KIF22: variants seen among roughly 807,000 people sequenced by gnomAD.
KIF22 encodes kinesin-like protein KIF22.
Under a neutral mutation model 73.0 loss-of-function variants are expected in KIF22, and 62 were observed. The observed-to-expected ratio is 0.85, with a 90% CI of 0.69 to 1.05. KIF22 has a LOEUF of 1.05. KIF22 is among the 50% of genes least tolerant of loss of function. The pLI is 0.00. For synonymous variants in KIF22, 411 were observed against 340.1 expected (o/e 1.21, Z -2.29); for missense variants, 854 against 870.1 (o/e 0.98, Z 0.23).
At position 29,805,000 on chromosome 16, in the gene KIF22, C is replaced by A. The variant is rs2142383021; in HGVS notation, c.1864C>A (p.Arg622=). Residue 622 remains arginine, a synonymous_variant, in exon 12 of 14, where the codon CGG becomes AGG. Transcript: ENST00000160827. ...PKKAQLIVGW[R]ELHGPFSQVE... ...GAAGGCCCAGCTAATCGTGGGCTGGCGGGAGCTCCACGGCCCCTTCAGCCA... is the reference window on the plus strand; with the variant it reads ...GAAGGCCCAGCTAATCGTGGGCTGGAGGGAGCTCCACGGCCCCTTCAGCCA... 7.0e-7 allele frequency: 1 copy of A among 1,423,464 alleles called. No homozygotes were observed. The highest frequency in any genetic ancestry group is 1.5e-5 in the African/African-American group (1 of 68,564). The allele number at this position is 1,423,464 out of a possible 1,614,324, so 88.2% of individuals were successfully genotyped here.
chr16:29,792,683 G>A (rs768125732), intron 1 of KIF22, among the ~76,000 whole-genome samples: 4 of 152,182 alleles, frequency 2.6e-5, no homozygotes, highest in South Asian at 2.1e-4. Context: ...TGTTTTTTAA[G>A]AGGAGTTAAA....
chr16:29,793,447 C>T (rs1238538363), intron 1 of KIF22, among the ~76,000 whole-genome samples: 1 of 152,074 alleles, frequency 6.6e-6, no homozygotes, highest in Admixed American at 6.6e-5. Context: ...AAAAAGGAGC[C>T]GTCAGGGCAG....
At chr16:29,801,880 T>C (rs1231908582) in intron 8 of KIF22, among the ~76,000 whole-genome samples, 1 of 152,030 alleles carries the variant, frequency 6.6e-6, no homozygotes, top group African/African-American at 2.4e-5. Flanking sequence ...AAGCTTGGCG[T>C]CATGGGAAAG....
chr16:29,798,419 T>C lies in KIF22; in HGVS notation c.312T>C (p.Tyr104=), dbSNP rs1264356752. ...AGAGGAGTACTCAGCAGGACATCTATGCAGGTTCAGTGCAGCCCATCCTAA... is the reference window on the plus strand; with the variant it reads ...AGAGGAGTACTCAGCAGGACATCTACGCAGGTTCAGTGCAGCCCATCCTAA... ...YGERSTQQDI[Y]AGSVQPILRH... Residue 104 remains tyrosine, a synonymous_variant, in exon 3 of 14, where the codon TAT becomes TAC. Transcript: ENST00000160827. This position sits in a 1 kb window ranked among gnomAD's most constrained non-coding sequence, Gnocchi z 4.1. 7 of 1,613,700 alleles carry C rather than the reference T, an allele frequency of 4.3e-6. No individual in the cohort carries two copies. The South Asian group carries it at 6.6e-5, about 15-fold the overall frequency.
chr16:29,793,295 C>G (rs934585976), intron 1 of KIF22, among the ~76,000 whole-genome samples: 6 of 152,166 alleles, frequency 3.9e-5, no homozygotes, highest in Non-Finnish European at 8.8e-5. Context: ...CAAAAATTAG[C>G]TGGGCGTGGT....
At position 29,799,114 on chromosome 16, in the gene KIF22, G is replaced by A. The variant is rs775371597; in HGVS notation, c.689G>A (p.Arg230Gln). The change falls in exon 5 of 14, where the codon CGA (arginine) becomes CAA (glutamine). Residue 230 changes from arginine to glutamine, a missense_variant. By Grantham distance (43) the Arg-to-Gln change is conservative (BLOSUM62 1). Coordinates refer to ENST00000160827, the MANE Select transcript of KIF22 (RefSeq NM_007317.3). ...GAGCGGCACTTCCTGCCAGCCAGTC[G>A]AAATCGGACTGTAGGAGCCACCCGG... Reference protein sequence around the residue: ...DFERHFLPASRNRTVGATRLN... With the variant: ...DFERHFLPASQNRTVGATRLN... 1.3e-5 allele frequency: 21 copies of A among 1,614,004 alleles called. No individual in the cohort carries two copies. Among genetic ancestry groups the A allele is most frequent in the Non-Finnish European group, 1.6e-5 (19 of 1,180,042 alleles).
intron 1 of KIF22, among the ~76,000 whole-genome samples, chr16:29,796,163 C>T (rs866908252): frequency 4.9e-4 from 74 of 150,212 alleles, no homozygotes; most frequent in African/African-American, 2.4e-4. Flanking sequence ...CCCAGCTACT[C>T]GAGAGGCTGA....
chr16:29,805,103 C>T lies in KIF22; in HGVS notation c.1891-12C>T, dbSNP rs751565260. ...CCCGAGACCCTGTCCCCTATCGATC[C>T]TGTCCCGCCAGGTGGAGGACCTGGA... On this transcript the variant is annotated splice_polypyrimidine_tract_variant and intron_variant, in intron 12 of 13. Coordinates refer to ENST00000160827, the MANE Select transcript of KIF22 (RefSeq NM_007317.3). The T allele has an allele frequency of 9.9e-5, 160 of 1,613,526 alleles. No individual in the cohort carries two copies. Among genetic ancestry groups the T allele is most frequent in the Non-Finnish European group, 8.0e-5 (94 of 1,179,952 alleles).
At chr16:29,804,466 T>A (rs902443665) in intron 11 of KIF22, 27 of 637,966 alleles carry the variant, frequency 4.2e-5, no homozygotes, top group Non-Finnish European at 6.6e-5. Flanking sequence ...TATTACTTTC[T>A]CCCATGTACT....
In KIF22 at chr16:29,798,879, T is replaced by C. The variant is rs540317002; in HGVS notation, c.550-96T>C. The C allele has an allele frequency of 5.1e-5, 79 of 1,535,698 alleles. No homozygotes were observed. The highest frequency in any genetic ancestry group is 3.6e-6 in the Non-Finnish European group (4 of 1,115,066). On this transcript the variant is annotated intron_variant, in intron 4 of 13. Transcript: ENST00000160827. The surrounding 1 kb of genome is among the most constrained non-coding windows in gnomAD (Gnocchi z 4.1). ...AGACAGAGACTGGGGTAGCAGATGG[T>C]ACAACTCCGAGAATAGAACAGAGAA... is the stretch of plus-strand genomic sequence containing the variant.
chr16:29,796,018 C>T (rs1898940267), intron 1 of KIF22, among the ~76,000 whole-genome samples: 1 of 152,046 alleles, frequency 6.6e-6, no homozygotes, highest in African/African-American at 2.4e-5. Context: ...CACCTATAAT[C>T]CTAGCACTTT....
In KIF22 at chr16:29,804,032, C is replaced by T; in HGVS notation, c.1644C>T (p.Ile548=). 1 of 1,613,946 alleles carries T rather than the reference C, an allele frequency of 6.2e-7. No individual in the cohort carries two copies. The highest frequency in any genetic ancestry group is 8.5e-7 in the Non-Finnish European group (1 of 1,179,894). The part of the protein sequence containing the change: ...QEQAASPNAE[I]HILKNKGRKR... ...AGGCAGCATCCCCAAATGCCGAGAT[C>T]CACATCCTGAAGAATAAAGGCCGGA... is the stretch of plus-strand genomic sequence containing the variant. The change falls in exon 11 of 14, where the codon ATC becomes ATT. Residue 548 remains isoleucine (I), a synonymous_variant. Coordinates refer to ENST00000160827, the MANE Select transcript of KIF22 (RefSeq NM_007317.3).
chr16:29,805,049 G>C, intron 12 of KIF22, 23 bp downstream of exon 12: 2 of 1,609,494 alleles, frequency 1.2e-6, no homozygotes, highest in South Asian at 2.2e-5. Flanking sequence ...TGGACTGGGG[G>C]AGGGCGGGGG....
intron 7 of KIF22, 46 bp from the exon 8 acceptor site, chr16:29,799,867 T>A: frequency 6.2e-7 from 1 of 1,612,530 alleles, no homozygotes. Flanking sequence ...GCACAGAGGC[T>A]GACCACCCCC....
intron 1 of KIF22, among the ~76,000 whole-genome samples, chr16:29,795,027 C>T (rs1376050035): frequency 6.6e-6 from 1 of 152,206 alleles, no homozygotes; most frequent in East Asian, 1.9e-4. Flanking sequence ...ACTGACTTCC[C>T]CTTCCCCTTA....
intron 8 of KIF22, among the ~76,000 whole-genome samples, chr16:29,801,414 G>C (rs1250656255): frequency 1.3e-5 from 2 of 152,186 alleles, no homozygotes; most frequent in Non-Finnish European, 2.9e-5. Flanking sequence ...TGCCCACTCT[G>C]TCCCAGGGGG....
In KIF22 at chr16:29,803,612, A is replaced by AG; in HGVS notation, c.1609+5dup. The AG allele has an allele frequency of 6.2e-7, 1 of 1,602,842 alleles. No homozygotes were observed. The highest frequency in any genetic ancestry group is 1.1e-5 in the South Asian group (1 of 89,310). On this transcript the variant is annotated splice_donor_region_variant and intron_variant, in intron 10 of 13. Coordinates refer to ENST00000160827, the MANE Select transcript of KIF22 (RefSeq NM_007317.3). ...GTGGTGATGCCCCTACAGCTAAGTA[A>AG]GTTTGACTCCAGGGGCTGGGGGGCC...
chr16:29,798,887 C>G lies in KIF22; in HGVS notation c.550-88C>G, dbSNP rs145382674. 1 of 1,543,270 alleles carries G rather than the reference C, an allele frequency of 6.5e-7. No individual in the cohort carries two copies. Among genetic ancestry groups the G allele is most frequent in the African/African-American group, 1.4e-5 (1 of 73,022 alleles). On this transcript the variant is annotated intron_variant, in intron 4 of 13. Transcript: ENST00000160827. The surrounding 1 kb of genome is among the most constrained non-coding windows in gnomAD (Gnocchi z 4.1). ...ACTGGGGTAGCAGATGGTACAACTC[C>G]GAGAATAGAACAGAGAAAGGAAACT...
Position 29,802,791 on chromosome 16 carries a change from A to G in KIF22, c.1303A>G (p.Met435Val), listed in dbSNP as rs199715417. The stretch of plus-strand genomic sequence containing the variant: ...CAGCCCCCTACAGAAGCTAAGCAGC[A>G]TGGACCCGGCCATGCTGGAGCGCCT... ...KLSPLQKLSS[M>V]DPAMLERLLS... Residue 435 changes from methionine to valine, a missense_variant, in exon 9 of 14, where the codon ATG becomes GTG. Physicochemically the swap from Met to Val is conservative, Grantham distance 21 (BLOSUM62 1). Transcript: ENST00000160827. 2 of 1,594,262 alleles carry G rather than the reference A, an allele frequency of 1.3e-6. No homozygotes were observed. Among genetic ancestry groups the G allele is most frequent in the East Asian group, 2.3e-5 (1 of 44,338 alleles).
Sources: allele counts gnomAD v4.1 joint callset (sites outside exome capture counted in the v4.1 genomes callset), GRCh38; gene constraint gnomAD v4.1.1; non-coding constraint Gnocchi (gnomAD v3.1); transcripts MANE v1.5; gene names NCBI Gene and HGNC (gene_info 2026-07-23, HGNC 2026-07-21).